The following CLYBL variants were observed in gnomAD, a reference collection of about 807,000 sequenced individuals.
CLYBL encodes the protein citramalyl-CoA lyase.
Under a neutral mutation model 38.9 loss-of-function variants are expected in CLYBL, and 31 were observed. That is an observed-to-expected ratio of 0.80 (90% CI 0.60 to 1.08). The LOEUF (loss-of-function observed/expected upper bound fraction) is 1.08, where lower values mean the gene tolerates loss of function less well. Ranked by LOEUF, CLYBL falls within the 50% of genes least tolerant of loss-of-function variation. The pLI is 0.00. For synonymous variants in CLYBL, 171 were observed against 158.6 expected (o/e 1.08, Z -0.59); for missense variants, 434 against 411.6 (o/e 1.05, Z -0.47).
intron 1 of CLYBL, among the ~76,000 whole-genome samples, chr13:99,759,728 C>T (rs144920556): frequency 6.6e-5 from 10 of 152,242 alleles, no homozygotes; most frequent in Non-Finnish European, 1.2e-4. Flanking sequence ...TTTTACTCTT[C>T]GGGATGAGCT....
chr13:99,729,517 G>T (rs2048542675), intron 1 of CLYBL, among the ~76,000 whole-genome samples: 1 of 152,124 alleles, frequency 6.6e-6, no homozygotes, highest in Non-Finnish European at 1.5e-5. Flanking sequence ...TATCTTAGGG[G>T]TTTGGTGGGC....
chr13:99,836,658 CT>C (rs1021864686), intron 2 of CLYBL, among the ~76,000 whole-genome samples: 2 of 152,214 alleles, frequency 1.3e-5, no homozygotes, highest in African/African-American at 4.8e-5. Flanking sequence ...TATGTTTAAG[CT>C]TTTTCTATAA....
At chr13:99,883,254 C>T (rs1242582570) in intron 7 of CLYBL, among the ~76,000 whole-genome samples, 2 of 152,166 alleles carry the variant, frequency 1.3e-5, no homozygotes, top group African/African-American at 4.8e-5. Context: ...GGCGCAGTGG[C>T]TTACCCCTGT....
intron 6 of CLYBL, among the ~76,000 whole-genome samples, chr13:99,866,651 T>C (rs2051754558): frequency 2.1e-5 from 3 of 144,116 alleles, no homozygotes; most frequent in Non-Finnish European, 3.0e-5. Flanking sequence ...TTTTTTTTTC[T>C]CTCCATCCTC....
chr13:99,889,297 C>A (rs2052429092), intron 7 of CLYBL, among the ~76,000 whole-genome samples: 2 of 152,172 alleles, frequency 1.3e-5, no homozygotes, highest in Admixed American at 1.3e-4. Flanking sequence ...AGGGCCATAA[C>A]CCACTTGGTG....
chr13:99,740,001 CTG>C (rs1429049781), intron 1 of CLYBL, among the ~76,000 whole-genome samples: 2 of 151,912 alleles, frequency 1.3e-5, no homozygotes, highest in Non-Finnish European at 2.9e-5. Context: ...AACAAAAAAA[CTG>C]TATTTGTAAA....
chr13:99,847,733 G>C (rs550615769), intron 2 of CLYBL, among the ~76,000 whole-genome samples: 2 of 152,344 alleles, frequency 1.3e-5, no homozygotes, highest in South Asian at 4.1e-4. Context: ...TCCTTCGAAG[G>C]AAGGAACTCT....
intron 1 of CLYBL, among the ~76,000 whole-genome samples, chr13:99,659,238 A>G (rs2047375243): frequency 6.6e-6 from 1 of 151,874 alleles, no homozygotes. Context: ...ATGTATATAT[A>G]TGCGTGTGTG....
At chr13:99,817,667 AAAAAAAG>A (rs1287110726) in intron 2 of CLYBL, among the ~76,000 whole-genome samples, 113 of 150,028 alleles carry the variant, frequency 7.5e-4, no homozygotes, top group African/African-American at 2.4e-3. Flanking sequence ...AAAAAAAAAA[AAAAAAAG>A]AAAAGAAAAA....
chr13:99,637,142 G>A (rs2047029501), intron 1 of CLYBL, among the ~76,000 whole-genome samples: 1 of 152,174 alleles, frequency 6.6e-6, no homozygotes, highest in Non-Finnish European at 1.5e-5. Flanking sequence ...CCAAAGTGCT[G>A]GGGTTACAGG....
intron 1 of CLYBL, among the ~76,000 whole-genome samples, chr13:99,643,919 C>T (rs193173961): frequency 2.1e-4 from 31 of 148,966 alleles, no homozygotes; most frequent in Non-Finnish European, 8.9e-5. Context: ...GCAGGAGAAT[C>T]GCTTGAACCC....
chr13:99,883,791 G>A (rs926352065), intron 7 of CLYBL, among the ~76,000 whole-genome samples: 2 of 151,950 alleles, frequency 1.3e-5, no homozygotes, highest in Admixed American at 6.6e-5. Context: ...CAGTCCCCAC[G>A]CCCCTCTCCT....
chr13:99,824,628 C>G (rs2050658461), intron 2 of CLYBL, among the ~76,000 whole-genome samples: 1 of 152,190 alleles, frequency 6.6e-6, no homozygotes, highest in Non-Finnish European at 1.5e-5. Flanking sequence ...CGCACACTCA[C>G]ACGAGCACAC....
At chr13:99,845,905 A>G (rs1049183405) in intron 2 of CLYBL, among the ~76,000 whole-genome samples, 3 of 152,116 alleles carry the variant, frequency 2.0e-5, no homozygotes, top group African/African-American at 7.2e-5. Flanking sequence ...ATTTTTGAAG[A>G]AAATAAAATT....
downstream of CLYBL, among the ~76,000 whole-genome samples, chr13:99,901,475 G>T (rs1489849467): frequency 6.6e-6 from 1 of 152,006 alleles, no homozygotes; most frequent in Non-Finnish European, 1.5e-5. Context: ...GACATTTACG[G>T]TGTCCATTTT....
At chr13:99,905,596 T>C (rs1281843205) in intron 9 of CLYBL, among the ~76,000 whole-genome samples, 1 of 151,716 alleles carries the variant, frequency 6.6e-6, no homozygotes, top group Admixed American at 6.6e-5. Context: ...AACTTGCAAG[T>C]CAGCCAAGAA....
intron 1 of CLYBL, among the ~76,000 whole-genome samples, chr13:99,731,349 A>T (rs2250311): frequency 6.6e-6 from 1 of 151,044 alleles, no homozygotes; most frequent in Admixed American, 6.6e-5. Context: ...AAAAAAAAAA[A>T]GCGGCTGAGC....
intron 2 of CLYBL, among the ~76,000 whole-genome samples, chr13:99,800,004 A>G (rs2050099814): frequency 6.6e-6 from 1 of 152,066 alleles, no homozygotes; most frequent in Admixed American, 6.6e-5. Flanking sequence ...TCCTGTTGGG[A>G]TTCTTTTATT....
chr13:99,655,080 C>CTTT (rs561111559), intron 1 of CLYBL, among the ~76,000 whole-genome samples: 1 of 142,814 alleles, frequency 7.0e-6, no homozygotes, highest in Non-Finnish European at 1.5e-5. Context: ...GCATTTCTTT[C>CTTT]TTTTTTTTTT....
Sources: gnomAD v4.1 joint callset for allele counts (sites outside exome capture counted in the v4.1 genomes callset) on GRCh38, gnomAD v4.1.1 for gene constraint, MANE v1.5 for transcripts, NCBI Gene and HGNC (gene_info 2026-07-23, HGNC 2026-07-21) for gene names.